Variants in DISC1 observed in about 807,000 individuals in gnomAD.
DISC1 encodes the protein disrupted in schizophrenia 1 protein.
A neutral mutation model predicts 84.5 loss-of-function variants in DISC1; 57 were observed. The observed-to-expected ratio is 0.67, with a 90% confidence interval of 0.55 to 0.84. The LOEUF (loss-of-function observed/expected upper bound fraction) is 0.84, where lower values mean the gene tolerates loss of function less well. Ranked by LOEUF, DISC1 falls within the 40% of genes least tolerant of loss-of-function variation. DISC1 has a pLI of 0.00. For synonymous variants in DISC1, 411 were observed against 415.2 expected (o/e 0.99, Z 0.12); for missense variants, 1,000 against 1,057.8 (o/e 0.95, Z 0.76).
chr1:231,783,075 A>G (rs959549446), intron 6 of DISC1, among the ~76,000 whole-genome samples: 9 of 152,210 alleles, frequency 5.9e-5, no homozygotes, highest in African/African-American at 2.2e-4. Flanking sequence ...AAATGGAAAT[A>G]TGAAGTTGCC....
chr1:231,981,089 A>C (rs1041955502), intron 10 of DISC1, among the ~76,000 whole-genome samples: 28 of 152,232 alleles, frequency 1.8e-4, no homozygotes, highest in African/African-American at 6.7e-4. Context: ...GTCCACAAGC[A>C]CACACCACCA....
intron 9 of DISC1, among the ~76,000 whole-genome samples, chr1:231,917,934 T>C (rs1572049006): frequency 6.6e-6 from 1 of 152,358 alleles, no homozygotes; most frequent in East Asian, 1.9e-4. Context: ...AACTTGACTA[T>C]CTTCATTTTA....
intron 3 of DISC1, among the ~76,000 whole-genome samples, chr1:231,717,929 C>T (rs202092509): frequency 6.6e-5 from 10 of 152,034 alleles, no homozygotes; most frequent in Non-Finnish European, 1.2e-4. Flanking sequence ...CTATCTTTTT[C>T]CCACCATCCC....
chr1:231,814,504 T>C (rs573073778), intron 8 of DISC1, among the ~76,000 whole-genome samples: 2 of 152,284 alleles, frequency 1.3e-5, no homozygotes, highest in South Asian at 4.1e-4. Flanking sequence ...GAAAATAAAT[T>C]GGTTAAGGTT....
intron 6 of DISC1, among the ~76,000 whole-genome samples, chr1:231,779,882 TC>T (rs2125520081): frequency 6.6e-6 from 1 of 152,226 alleles, no homozygotes; most frequent in African/African-American, 2.4e-5. Flanking sequence ...CTGTGTAAAT[TC>T]CTGTCTTACC....
chr1:231,924,306 G>A (rs2090200369), intron 9 of DISC1, among the ~76,000 whole-genome samples: 1 of 152,218 alleles, frequency 6.6e-6, no homozygotes, highest in Admixed American at 6.5e-5. Flanking sequence ...AGCACGAACA[G>A]CTGTACATAC....
At chr1:231,912,742 CTTCT>C (rs72513675) in intron 9 of DISC1, among the ~76,000 whole-genome samples, 23,134 of 131,704 alleles carry the variant, frequency 0.18, 1,946 homozygotes, top group Admixed American at 0.19. Flanking sequence ...GCAGCTTGCT[CTTCT>C]TTCTTTCTTT....
At chr1:231,870,503 G>A (rs2085380109) in intron 9 of DISC1, among the ~76,000 whole-genome samples, 2 of 152,292 alleles carry the variant, frequency 1.3e-5, no homozygotes, top group Middle Eastern at 3.4e-3. Flanking sequence ...TGAGCGGCCC[G>A]AGCTGTCTGT....
At chr1:231,660,181 A>G (rs1423930282) in intron 1 of DISC1, among the ~76,000 whole-genome samples, 2 of 149,210 alleles carry the variant, frequency 1.3e-5, no homozygotes, top group East Asian at 3.8e-4. Context: ...ATATATATTT[A>G]GGATAGTTAG....
At chr1:231,916,436 C>T (rs566128188) in intron 9 of DISC1, among the ~76,000 whole-genome samples, 3 of 151,964 alleles carry the variant, frequency 2.0e-5, no homozygotes, top group African/African-American at 7.2e-5. Context: ...GGGCGGATCA[C>T]GAGGTCAGGA....
At chr1:231,641,613 C>CT (rs1252691597) in intron 1 of DISC1, among the ~76,000 whole-genome samples, 1 of 152,162 alleles carries the variant, frequency 6.6e-6, no homozygotes, top group African/African-American at 2.4e-5. Flanking sequence ...CTGCAGCCTG[C>CT]TTTTATTCTC....
intron 9 of DISC1, among the ~76,000 whole-genome samples, chr1:231,863,384 C>T (rs1223779478): frequency 6.6e-6 from 1 of 151,666 alleles, no homozygotes; most frequent in East Asian, 1.9e-4. Flanking sequence ...GTACCCGCCA[C>T]CATGCCTGGC....
At chr1:231,708,469 G>A (rs1291096576) in intron 3 of DISC1, among the ~76,000 whole-genome samples, 3 of 152,320 alleles carry the variant, frequency 2.0e-5, no homozygotes, top group East Asian at 1.9e-4. Flanking sequence ...TTGGACATCG[G>A]CATTTGTGAA....
At chr1:231,924,215 G>GTAAA (rs1558739431) in intron 9 of DISC1, among the ~76,000 whole-genome samples, 2 of 152,192 alleles carry the variant, frequency 1.3e-5, no homozygotes, top group East Asian at 3.9e-4. Context: ...AAGGCACAGG[G>GTAAA]TAAAGCCTGC....
In DISC1 at chr1:231,679,367, C is replaced by T. The variant is rs188947468; in HGVS notation, c.68-14459C>T. ...CCAGCACCTCTGCTTCCTGCCTCCT[C>T]TGGCAGATGGCCCTGATCTGAGAGT... is the stretch of plus-strand genomic sequence containing the variant. On this transcript the variant is annotated intron_variant, in intron 1 of 12. Coordinates refer to ENST00000439617, the MANE Select transcript of DISC1 (RefSeq NM_018662.3). Among the ~76,000 whole-genome samples the T allele has an allele frequency of 5.2e-3, 786 of 152,366 alleles. 4 individuals are homozygous for T. The highest frequency in any genetic ancestry group is 8.5e-3 in the Non-Finnish European group (578 of 68,028).
intron 7 of DISC1, among the ~76,000 whole-genome samples, chr1:231,799,291 A>T (rs1484593293): frequency 6.6e-6 from 1 of 152,124 alleles, no homozygotes; most frequent in East Asian, 1.9e-4. Flanking sequence ...ATCTGCCTTC[A>T]AAGTTTCCCT....
At chr1:231,784,630 T>C (rs2077691544) in intron 6 of DISC1, among the ~76,000 whole-genome samples, 1 of 152,254 alleles carries the variant, frequency 6.6e-6, no homozygotes, top group African/African-American at 2.4e-5. Context: ...AGGTATGGTA[T>C]ATGTCTGCAT....
rs146866659 is a variant in DISC1 at position 231,681,747 on chromosome 1, G to A, written c.68-12079G>A. On this transcript the variant is annotated intron_variant, in intron 1 of 12. Coordinates refer to ENST00000439617, the MANE Select transcript of DISC1 (RefSeq NM_018662.3). The stretch of plus-strand genomic sequence containing the variant: ...TTTTACTCTTGTTGCCCAGGCTGGA[G>A]TGCAATGGCACGATCTTGGCTCACT... Among the ~76,000 whole-genome samples, 67 of 152,078 alleles carry A rather than the reference G, an allele frequency of 4.4e-4. No homozygotes were observed. The Middle Eastern group carries it at 0.014, about 31-fold the overall frequency.
chr1:231,864,347 A>G (rs2084894145), intron 9 of DISC1, among the ~76,000 whole-genome samples: 1 of 152,004 alleles, frequency 6.6e-6, no homozygotes, highest in African/African-American at 2.4e-5. Context: ...TGTTTTCTAT[A>G]TATTGGTAGT....
Sources: gnomAD v4.1 joint callset for allele counts (sites outside exome capture counted in the v4.1 genomes callset) on GRCh38, gnomAD v4.1.1 for gene constraint, MANE v1.5 for transcripts, NCBI Gene and HGNC (gene_info 2026-07-23, HGNC 2026-07-21) for gene names.